USP53: variants seen among roughly 807,000 people sequenced by gnomAD.
USP53 encodes the protein ubiquitin specific peptidase 53, also known as ubiquitin carboxyl-terminal hydrolase 53.
A neutral mutation model predicts 94.9 loss-of-function variants in USP53; 71 were observed. The ratio of observed to expected loss-of-function variants is 0.75; its 90% confidence interval spans 0.62 to 0.91. The LOEUF (loss-of-function observed/expected upper bound fraction) is 0.91, where lower values mean the gene tolerates loss of function less well. Ranked by LOEUF, USP53 falls within the 40% of genes least tolerant of loss-of-function variation. USP53 has a pLI of 0.00. For missense variants in USP53, 1,173 were observed against 1,281.0 expected (o/e 0.92, Z 1.29); for synonymous variants, 375 against 422.7 (o/e 0.89, Z 1.39).
chr4:119,248,964 C>A, intron 7 of USP53, 82 bp downstream of exon 7: 1 of 1,533,406 alleles, frequency 6.5e-7, no homozygotes, highest in Non-Finnish European at 8.8e-7. Flanking sequence ...ACAAATGAAA[C>A]AAAAATTTAG....
rs371487024 is a variant in USP53, at chr4:119,260,590, C to T, written c.759C>T (p.Ser253=). Residue 253 remains serine (S), a synonymous_variant, in exon 11 of 19, where the codon TCC becomes TCT. Coordinates refer to ENST00000692078, the MANE Select transcript of USP53 (RefSeq NM_001371395.1). ...EIVTIGLVWD[S]EHSDLTEAVV... is the part of the protein sequence containing the mutation. ...TTACAATTGGTTTAGTCTGGGACTCCGAGCATTCTGACTTGACCGAAGCTG... is the reference window on the plus strand; with the variant it reads ...TTACAATTGGTTTAGTCTGGGACTCTGAGCATTCTGACTTGACCGAAGCTG... 1.4e-5 allele frequency: 23 copies of T among 1,613,728 alleles called. No homozygotes were observed. Among genetic ancestry groups the T allele is most frequent in the Non-Finnish European group, 1.9e-5 (22 of 1,179,830 alleles).
chr4:119,268,892 C>G (rs17334510), intron 14 of USP53, among the ~76,000 whole-genome samples: 252 of 152,320 alleles, frequency 1.7e-3, no homozygotes, highest in Non-Finnish European at 3.0e-3. Context: ...AAGCCAGGTT[C>G]TGTAACTTGG....
At chr4:119,280,766 G>A (rs965093774) in intron 17 of USP53, among the ~76,000 whole-genome samples, 10 of 152,240 alleles carry the variant, frequency 6.6e-5, no homozygotes, top group African/African-American at 2.2e-4. Context: ...GAGGTGGTCA[G>A]TGTAGTCTCT....
chr4:119,260,035 GA>G (rs900918080), intron 10 of USP53, 110 bp downstream of exon 10: 36 of 716,442 alleles, frequency 5.0e-5, no homozygotes, highest in Non-Finnish European at 7.0e-5. Flanking sequence ...TTAGCTTTAA[GA>G]ATTTTTAAAA....
chr4:119,219,627 C>T (rs1293014087), intron 3 of USP53: 1 of 152,216 alleles, frequency 6.6e-6, no homozygotes, highest in African/African-American at 2.4e-5. Flanking sequence ...CCAGACCATT[C>T]TAGTAGCCTG....
intron 6 of USP53, among the ~76,000 whole-genome samples, chr4:119,247,962 T>G (rs1158448020): frequency 1.3e-5 from 2 of 152,182 alleles, no homozygotes; most frequent in African/African-American, 4.8e-5. Context: ...TTTCTTTGTA[T>G]GTTGATCTTA....
At position 119,293,004 on chromosome 4, in the gene USP53, C is replaced by G; in HGVS notation, c.3015C>G (p.Asn1005Lys). ...ACTGTCCATCCAGCTCCTCAACTAA[C>G]GATTTTCAGGCAAACTCAGGTGCCA... ...TPNCPSSSST[N>K]DFQANSGAID... is the part of the protein sequence containing the mutation. Residue 1005 changes from asparagine (N) to lysine (K), a missense_variant, in exon 19 of 19, where the codon AAC becomes AAG. Coordinates refer to ENST00000692078, the MANE Select transcript of USP53 (RefSeq NM_001371395.1). 1 of 1,614,108 alleles carries G rather than the reference C, an allele frequency of 6.2e-7. No individual in the cohort carries two copies. The highest frequency in any genetic ancestry group is 1.1e-5 in the South Asian group (1 of 91,082).
chr4:119,256,364 GA>G lies in USP53; in HGVS notation c.486+6del. 2 of 1,613,602 alleles carry G rather than the reference GA, an allele frequency of 1.2e-6. No homozygotes were observed. The highest frequency in any genetic ancestry group is 1.7e-6 in the Non-Finnish European group (2 of 1,179,614). Reference sequence around the variant, plus strand: ...GCTATGACTCTGTATGAACAGGTGAGATGGCTTGATTATTATTTAGATATTG... The same window carrying G: ...GCTATGACTCTGTATGAACAGGTGAGTGGCTTGATTATTATTTAGATATTG... On this transcript the variant is annotated splice_donor_region_variant and intron_variant, in intron 8 of 18. Coordinates refer to ENST00000692078, the MANE Select transcript of USP53 (RefSeq NM_001371395.1).
intron 17 of USP53, among the ~76,000 whole-genome samples, chr4:119,283,502 T>G (rs1753739622): frequency 6.6e-6 from 1 of 151,834 alleles, no homozygotes; most frequent in South Asian, 2.1e-4. Flanking sequence ...GAGGATAAAT[T>G]TGGGACAGTG....
intron 9 of USP53, among the ~76,000 whole-genome samples, chr4:119,258,302 A>G (rs1168960099): frequency 6.6e-6 from 1 of 152,212 alleles, no homozygotes; most frequent in Non-Finnish European, 1.5e-5. Flanking sequence ...AGGGCTTTCT[A>G]GTGTACTCTT....
chr4:119,239,679 T>G lies in USP53; in HGVS notation c.-81T>G, dbSNP rs1747254629. The stretch of plus-strand genomic sequence containing the variant: ...ACTGCAGTGGATTTAATTGGACAAT[T>G]CAAGACATCCATTTTATTGTCCAAA... On this transcript the variant is annotated 5_prime_UTR_variant, in exon 5 of 19. The change creates a new upstream start codon in the 5' untranslated region. Transcript: ENST00000692078. The G allele has an allele frequency of 1.4e-6, 2 of 1,463,576 alleles. No homozygotes were observed. Among genetic ancestry groups the G allele is most frequent in the South Asian group, 2.8e-5 (2 of 70,520 alleles). The allele number at this position is 1,463,576 out of a possible 1,614,324, so 90.7% of individuals were successfully genotyped here.
At chr4:119,273,755 T>C (rs770138245) in intron 17 of USP53, 47 bp downstream of exon 17, 5 of 1,470,812 alleles carry the variant, frequency 3.4e-6, no homozygotes, top group Middle Eastern at 2.4e-4. Context: ...AAATGAATTA[T>C]AGTAATTTAT....
chr4:119,268,044 G>A (rs945163908), intron 13 of USP53, among the ~76,000 whole-genome samples: 1 of 152,072 alleles, frequency 6.6e-6, no homozygotes, highest in Non-Finnish European at 1.5e-5. Context: ...GCGGGCGCCT[G>A]TAGTCCCAGC....
chr4:119,224,841 A>G (rs1414744800), intron 3 of USP53, among the ~76,000 whole-genome samples: 1 of 152,222 alleles, frequency 6.6e-6, no homozygotes, highest in African/African-American at 2.4e-5. Context: ...AGGGAAATTT[A>G]TAACAAAATG....
chr4:119,287,571 G>A (rs1754257122), intron 17 of USP53, among the ~76,000 whole-genome samples: 4 of 152,098 alleles, frequency 2.6e-5, no homozygotes, highest in Admixed American at 2.6e-4. Flanking sequence ...CATAGATTTG[G>A]TGTACAGTAA....
chr4:119,218,638 A>G (rs1394487925), intron 3 of USP53: 1 of 152,188 alleles, frequency 6.6e-6, no homozygotes, highest in Non-Finnish European at 1.5e-5. Flanking sequence ...CTAGAGTGAC[A>G]ATGGTTTTAC....
In USP53 at chr4:119,267,348, C is replaced by T. The variant is rs368940037; in HGVS notation, c.1001C>T (p.Ser334Phe). The T allele has an allele frequency of 1.5e-5, 25 of 1,613,712 alleles. No individual in the cohort carries two copies. The highest frequency in any genetic ancestry group is 5.0e-5 in the Admixed American group (3 of 59,958). The change falls in exon 13 of 19, where the codon TCC (serine) becomes TTC (phenylalanine). Residue 334 changes from serine (S) to phenylalanine (F), a missense_variant. Physicochemically the swap from Ser to Phe is radical, Grantham distance 155 (BLOSUM62 -2). Coordinates refer to ENST00000692078, the MANE Select transcript of USP53 (RefSeq NM_001371395.1). ...GGAACTAGATGGAAAGATGTTGTCT[C>T]CAAATGCATTCGATGCCACTTTCAG... is the stretch of plus-strand genomic sequence containing the variant. ...EIGTRWKDVV[S>F]KCIRCHFQPL...
At chr4:119,283,422 G>A (rs373350979) in intron 17 of USP53, among the ~76,000 whole-genome samples, 11 of 151,840 alleles carry the variant, frequency 7.2e-5, no homozygotes, top group African/African-American at 2.7e-4. Context: ...AAATGGAGAG[G>A]CACCAAAGGA....
intron 16 of USP53, 81 bp from the exon 17 acceptor site, chr4:119,273,551 T>G (rs1191790156): frequency 2.0e-6 from 2 of 999,676 alleles, no homozygotes; most frequent in Admixed American, 2.7e-5. Flanking sequence ...TAATAAATGT[T>G]TAACAAATGT....
Sources: allele counts gnomAD v4.1 joint callset (sites outside exome capture counted in the v4.1 genomes callset), GRCh38; gene constraint gnomAD v4.1.1; transcripts MANE v1.5; gene names NCBI Gene and HGNC (gene_info 2026-07-23, HGNC 2026-07-21).